The following RORA variants were observed in gnomAD, a reference collection of about 807,000 sequenced individuals.
RORA encodes RAR related orphan receptor A, also known as nuclear receptor ROR-alpha.
In RORA, 7 loss-of-function variants were observed where a neutral mutation model predicts 69.5. That is an observed-to-expected ratio of 0.10 (90% CI 0.06 to 0.19). The LOEUF (loss-of-function observed/expected upper bound fraction) is 0.19. RORA is among the 10% of genes least tolerant of loss of function. RORA has a pLI of 1.00. For missense variants in RORA, 457 were observed against 663.0 expected, an observed-to-expected ratio of 0.69 and a Z score of 3.41; for synonymous variants, 261 against 240.8, an observed-to-expected ratio of 1.08 and a Z score of -0.78.
intron 1 of RORA, among the ~76,000 whole-genome samples, chr15:60,735,901 T>C (rs1396094774): frequency 6.6e-6 from 1 of 152,246 alleles, no homozygotes; most frequent in Non-Finnish European, 1.5e-5. Context: ...GACAGACTTA[T>C]TGACTTGACT....
chr15:60,842,010 C>T (rs1446329788), intron 1 of RORA, among the ~76,000 whole-genome samples: 2 of 152,104 alleles, frequency 1.3e-5, no homozygotes, highest in Admixed American at 6.5e-5. Context: ...CAGTTTGGGT[C>T]ACTGCCATCA....
chr15:60,645,244 A>C (rs2070018764), intron 2 of RORA, among the ~76,000 whole-genome samples: 1 of 151,778 alleles, frequency 6.6e-6, no homozygotes, highest in Admixed American at 6.6e-5. Flanking sequence ...GGAGAGAAGG[A>C]AGGAGGAGAG....
At chr15:60,910,142 T>A (rs186301814) in intron 1 of RORA, among the ~76,000 whole-genome samples, 2 of 152,190 alleles carry the variant, frequency 1.3e-5, no homozygotes, top group Admixed American at 6.5e-5. Flanking sequence ...GTCAGATCCA[T>A]GAGGCTAAAC....
At chr15:60,768,421 A>G (rs1471433255) in intron 1 of RORA, among the ~76,000 whole-genome samples, 1 of 152,228 alleles carries the variant, frequency 6.6e-6, no homozygotes, top group Non-Finnish European at 1.5e-5. Context: ...AGGTTTGTCC[A>G]GGTGTGAGCC....
chr15:60,523,764 T>G (rs983671466), intron 3 of RORA, among the ~76,000 whole-genome samples: 2 of 152,186 alleles, frequency 1.3e-5, no homozygotes, highest in African/African-American at 4.8e-5. Context: ...CTCAACTTCC[T>G]GGACTCAAGT....
At chr15:60,802,645 T>C (rs1049396544) in intron 1 of RORA, among the ~76,000 whole-genome samples, 1 of 152,222 alleles carries the variant, frequency 6.6e-6, no homozygotes, top group Admixed American at 6.5e-5. Flanking sequence ...TGTATGTGCA[T>C]GTCACGAGCC....
At chr15:60,986,482 T>C (rs1442225355) in intron 1 of RORA, among the ~76,000 whole-genome samples, 2 of 152,218 alleles carry the variant, frequency 1.3e-5, no homozygotes, top group Non-Finnish European at 2.9e-5. Context: ...TCTTCATTAA[T>C]TGGCCAAAGT....
intron 1 of RORA, among the ~76,000 whole-genome samples, chr15:61,041,870 T>C (rs754106184): frequency 6.6e-6 from 1 of 152,236 alleles, no homozygotes; most frequent in Non-Finnish European, 1.5e-5. Flanking sequence ...GTGTGTTAAC[T>C]ATTAATTCAT....
chr15:61,185,211 A>C (rs895905937), intron 1 of RORA, among the ~76,000 whole-genome samples: 2 of 152,004 alleles, frequency 1.3e-5, no homozygotes, highest in Admixed American at 1.3e-4. Context: ...GTTTCAGCAC[A>C]CTGATGAAGC....
intron 1 of RORA, among the ~76,000 whole-genome samples, chr15:61,208,210 T>C (rs577277841): frequency 7.9e-5 from 12 of 152,310 alleles, no homozygotes; most frequent in African/African-American, 2.9e-4. Flanking sequence ...TAATGGAAGA[T>C]TATTCAGCAA....
chr15:61,053,779 T>C (rs1018422641), intron 1 of RORA, among the ~76,000 whole-genome samples: 3 of 143,012 alleles, frequency 2.1e-5, no homozygotes, highest in African/African-American at 7.7e-5. Context: ...AGTGTTAACG[T>C]TGGGCATAGG....
intron 1 of RORA, among the ~76,000 whole-genome samples, chr15:61,122,822 C>G (rs1003010516): frequency 1.3e-5 from 2 of 152,146 alleles, no homozygotes; most frequent in Non-Finnish European, 2.9e-5. Context: ...GTAAGCTACG[C>G]CATCCTCTCT....
At chr15:60,731,510 A>G (rs2071428056) in intron 1 of RORA, among the ~76,000 whole-genome samples, 1 of 152,238 alleles carries the variant, frequency 6.6e-6, no homozygotes, top group Admixed American at 6.5e-5. Context: ...AACAGCAAGG[A>G]TTCCAAATTA....
At chr15:60,898,146 C>T (rs1891283305) in intron 1 of RORA, among the ~76,000 whole-genome samples, 1 of 152,148 alleles carries the variant, frequency 6.6e-6, no homozygotes, top group South Asian at 2.1e-4. Context: ...TACTTTTCTC[C>T]ACTTTACAGG....
At chr15:61,005,499 T>C (rs79630913) in intron 1 of RORA, among the ~76,000 whole-genome samples, 30 of 152,096 alleles carry the variant, frequency 2.0e-4, no homozygotes, top group African/African-American at 7.0e-4. Flanking sequence ...AAACAAAAGT[T>C]ATGCTTACAA....
intron 10 of RORA, 139 bp from the exon 11 acceptor site, chr15:60,497,758 A>G: frequency 1.4e-6 from 1 of 706,786 alleles, no homozygotes. Flanking sequence ...GTAGCAGAGG[A>G]TTGGTAAAAA....
chr15:61,034,011 A>G (rs1489937478), intron 1 of RORA, among the ~76,000 whole-genome samples: 1 of 152,142 alleles, frequency 6.6e-6, no homozygotes, highest in African/African-American at 2.4e-5. Context: ...AATTTCACCT[A>G]TTTATTTTTA....
chr15:60,658,208 G>A (rs889817176), intron 2 of RORA, among the ~76,000 whole-genome samples: 6 of 151,968 alleles, frequency 3.9e-5, no homozygotes, highest in Admixed American at 2.6e-4. Context: ...AGCCTCCTGA[G>A]TAGGTGGGAT....
At chr15:61,148,802 T>C (rs2079373377) in intron 1 of RORA, among the ~76,000 whole-genome samples, 1 of 152,182 alleles carries the variant, frequency 6.6e-6, no homozygotes, top group African/African-American at 2.4e-5. Flanking sequence ...GAAGCCTGAC[T>C]AGGCCGAGGG....
Sources: allele counts gnomAD v4.1 joint callset (sites outside exome capture counted in the v4.1 genomes callset), GRCh38; gene constraint gnomAD v4.1.1; transcripts MANE v1.5; gene names NCBI Gene and HGNC (gene_info 2026-07-23, HGNC 2026-07-21).